Variants in ZNF106 observed in about 807,000 individuals in gnomAD.
ZNF106 encodes the protein zinc finger protein 106, also known as SH3-domain binding protein 3.
In ZNF106, 67 loss-of-function variants were observed where a neutral mutation model predicts 195.1. That is an observed-to-expected ratio of 0.34 (90% CI 0.28 to 0.42). The LOEUF (loss-of-function observed/expected upper bound fraction) is 0.42. ZNF106 is among the 10% of genes least tolerant of loss of function. The pLI, the probability that ZNF106 is intolerant of heterozygous loss-of-function variation, is 1.00. For synonymous variants in ZNF106, 784 were observed against 818.6 expected, an observed-to-expected ratio of 0.96 and a Z score of 0.72; for missense variants, 2,118 against 2,304.5, an observed-to-expected ratio of 0.92 and a Z score of 1.66.
At chr15:42,482,720 G>A (rs1381103709) in intron 1 of ZNF106, among the ~76,000 whole-genome samples, 2 of 151,740 alleles carry the variant, frequency 1.3e-5, no homozygotes, top group African/African-American at 2.4e-5. Context: ...TAGTAGAGAC[G>A]GGGTTTCACC....
rs188328661 is a variant in ZNF106, at chr15:42,450,177, C to A, written c.2095G>T (p.Asp699Tyr). The A allele has an allele frequency of 6.2e-7, 1 of 1,614,166 alleles. No individual in the cohort carries two copies. The highest frequency in any genetic ancestry group is 1.7e-5 in the Admixed American group (1 of 60,016). Residue 699 changes from aspartate (D) to tyrosine (Y), a missense_variant, in exon 5 of 22, where the codon GAT (aspartate) becomes TAT (tyrosine). Transcript: ENST00000564754. ...TTAATAGAGTCATCAACCTGTGCAT[C>A]TTCTAGAGAGGTTTTCAAGTCTAGC... ...LLLDLKTSLE[D>Y]AQVDDSIKSH...
At chr15:42,486,149 T>C (rs11635041) in intron 1 of ZNF106, among the ~76,000 whole-genome samples, 19,374 of 151,602 alleles carry the variant, frequency 0.13, 1,353 homozygotes, top group Non-Finnish European at 0.15. Flanking sequence ...TTAGTAGAGA[T>C]AGAGTTTCAC....
At chr15:42,477,903 A>C (rs1373100499) in intron 1 of ZNF106, among the ~76,000 whole-genome samples, 1 of 152,036 alleles carries the variant, frequency 6.6e-6, no homozygotes, top group Non-Finnish European at 1.5e-5. Flanking sequence ...AAAAAACAAA[A>C]AAAAACAAAC....
At position 42,415,590 on chromosome 15, in the gene ZNF106, G is replaced by T. The variant is rs751804355; in HGVS notation, c.*1714C>A. 2.4e-6 allele frequency: 1 copy of T among 423,206 alleles called. No homozygotes were observed. The highest frequency in any genetic ancestry group is 4.7e-6 in the Non-Finnish European group (1 of 211,340). The allele number at this position is 423,206 out of a possible 1,614,324, so 26.2% of individuals were successfully genotyped here. A position where few individuals can be genotyped will look rare whatever the true frequency, so the allele number is the denominator to read the frequency against. On this transcript the variant is annotated 3_prime_UTR_variant, in exon 22 of 22. Coordinates refer to ENST00000564754, the MANE Select transcript of ZNF106 (RefSeq NM_001366845.3). ...AGTCCCCCTGCCCGATAGCCTGAGGGAAGACATGTGAGTGGATATATGTGC... is the reference window on the plus strand; with the variant it reads ...AGTCCCCCTGCCCGATAGCCTGAGGTAAGACATGTGAGTGGATATATGTGC...
intron 1 of ZNF106, among the ~76,000 whole-genome samples, chr15:42,483,686 C>T (rs2056953914): frequency 6.6e-6 from 1 of 152,222 alleles, no homozygotes; most frequent in Non-Finnish European, 1.5e-5. Context: ...CCGCTTGACA[C>T]AACCCTTGCT....
Position 42,444,870 on chromosome 15 carries a change from G to A in ZNF106, c.3317C>T (p.Thr1106Ile), listed in dbSNP as rs749377790. 1 of 1,614,174 alleles carries A rather than the reference G, an allele frequency of 6.2e-7. No homozygotes were observed. The highest frequency in any genetic ancestry group is 1.7e-5 in the Admixed American group (1 of 60,022). ...NLLQARAALQ[T>I]AYVEVQRLLM... ...TAGCCTCTGAACTTCCACATAAGCT[G>A]TCTGAAGGGCTGCACGGGCTTGCAG... Residue 1106 changes from threonine to isoleucine, a missense_variant, in exon 8 of 22, where the codon ACA (threonine) becomes ATA (isoleucine). Transcript: ENST00000564754.
intron 2 of ZNF106, among the ~76,000 whole-genome samples, chr15:42,468,485 C>T (rs991333007): frequency 6.6e-6 from 1 of 151,782 alleles, no homozygotes; most frequent in Admixed American, 6.6e-5. Context: ...TGGCTCACGC[C>T]TATAATCCCA....
chr15:42,424,536 A>G (rs2054784038), intron 16 of ZNF106: 1 of 343,814 alleles, frequency 2.9e-6, no homozygotes, highest in Admixed American at 4.4e-5. Flanking sequence ...CCCATGCTAG[A>G]GTACAGTGGC....
At chr15:42,488,294 T>C (rs2057061043) in intron 1 of ZNF106, among the ~76,000 whole-genome samples, 1 of 152,176 alleles carries the variant, frequency 6.6e-6, no homozygotes, top group Non-Finnish European at 1.5e-5. Context: ...GCACCTTTTC[T>C]TTCTCACTAT....
intron 2 of ZNF106, among the ~76,000 whole-genome samples, chr15:42,470,120 A>G (rs1413309012): frequency 1.3e-5 from 2 of 152,116 alleles, no homozygotes; most frequent in African/African-American, 4.8e-5. Context: ...GGAGTTCAAG[A>G]CCGGCTGGGC....
intron 20 of ZNF106, among the ~76,000 whole-genome samples, chr15:42,418,552 T>C (rs2054540352): frequency 6.8e-6 from 1 of 147,150 alleles, no homozygotes; most frequent in African/African-American, 2.5e-5. Flanking sequence ...TTTTTTTTTT[T>C]TTTTTTAGTA....
intron 3 of ZNF106, 163 bp from the exon 4 acceptor site, chr15:42,457,321 T>C (rs2056262236): frequency 6.7e-7 from 1 of 1,484,282 alleles, no homozygotes; most frequent in Non-Finnish European, 8.9e-7. Context: ...AATAAGTTTG[T>C]TTATAAGTTA....
At position 42,416,798 on chromosome 15, in the gene ZNF106, AAG is replaced by A. The variant is rs1214547816; in HGVS notation, c.*504_*505del. The A allele has an allele frequency of 6.6e-6, 1 of 152,600 alleles. No individual in the cohort carries two copies. 9.5% of individuals were successfully genotyped at this position (152,600 alleles called of 1,614,324 possible). A position where few individuals can be genotyped will look rare whatever the true frequency, so the allele number is the denominator to read the frequency against. ...CACACACTGCACATAATTGTTAAGA[AAG>A]AAAACTATTTGCTTCCAGTTTAAAT... is the stretch of plus-strand genomic sequence containing the variant. On this transcript the variant is annotated 3_prime_UTR_variant, in exon 22 of 22. Transcript: ENST00000564754.
In ZNF106 at chr15:42,439,182, T is replaced by C. The variant is rs182058036; in HGVS notation, c.4395A>G (p.Glu1465=). 6.2e-7 allele frequency: 1 copy of C among 1,614,162 alleles called. No homozygotes were observed. Among genetic ancestry groups the C allele is most frequent in the East Asian group, 2.2e-5 (1 of 44,872 alleles). Residue 1465 remains glutamate (E), a synonymous_variant, in exon 11 of 22, where the codon GAA becomes GAG. Transcript: ENST00000564754. ...GGCTGTCTGGTTTCTCTTCTCCTGATTCTGAAGAATCAATGGCTACTACTT... is the reference window on the plus strand; with the variant it reads ...GGCTGTCTGGTTTCTCTTCTCCTGACTCTGAAGAATCAATGGCTACTACTT... ...QLEVVAIDSS[E]SGEEKPDSPS... is the part of the protein sequence containing the mutation.
Position 42,417,700 on chromosome 15 carries a change from G to A in ZNF106, c.5664+105C>T, listed in dbSNP as rs2054507874. 2.3e-6 allele frequency: 3 copies of A among 1,320,810 alleles called. No homozygotes were observed. The South Asian group carries it at 5.0e-5, about 22-fold the overall frequency. 81.8% of individuals were successfully genotyped at this position (1,320,810 alleles called of 1,614,324 possible). On this transcript the variant is annotated intron_variant, in intron 21 of 21. Coordinates refer to ENST00000564754, the MANE Select transcript of ZNF106 (RefSeq NM_001366845.3). ...TGAATCATAAAAATAAAAAACCCTAGGCCCTCCCTATATATGGCAATTCTC... is the reference window on the plus strand; with the variant it reads ...TGAATCATAAAAATAAAAAACCCTAAGCCCTCCCTATATATGGCAATTCTC...
rs190433266 is a variant in ZNF106 at position 42,432,991 on chromosome 15, T to C, written c.4881+2393A>G. 3.0e-4 allele frequency among the ~76,000 whole-genome samples: 46 copies of C among 152,356 alleles called. No individual in the cohort carries two copies. In the East Asian group the frequency reaches 6.5e-3, roughly 22 times the overall value. On this transcript the variant is annotated intron_variant, in intron 14 of 21. Transcript: ENST00000564754. ...AGTGTCAGTTCACTCACATTTCATATAATTATTAAATATGGGTAAATTTAG... is the reference window on the plus strand; with the variant it reads ...AGTGTCAGTTCACTCACATTTCATACAATTATTAAATATGGGTAAATTTAG...
chr15:42,490,569 G>T (rs1435944351), intron 1 of ZNF106, among the ~76,000 whole-genome samples: 1 of 152,160 alleles, frequency 6.6e-6, no homozygotes, highest in Non-Finnish European at 1.5e-5. Flanking sequence ...GGAGAGAAAC[G>T]AAAGGAGGAA....
At position 42,439,654 on chromosome 15, in the gene ZNF106, G is replaced by C. The variant is rs61731604; in HGVS notation, c.3923C>G (p.Ala1308Gly). Reference protein sequence around the residue: ...NRENSPSSQSAGLSSINKEGE... With the variant: ...NRENSPSSQSGGLSSINKEGE... Reference sequence around the variant, plus strand: ...TTCTTTATTTATGCTAGAAAGACCAGCTGATTGGGAAGAGGGAGAGTTTTC... The same window carrying C: ...TTCTTTATTTATGCTAGAAAGACCACCTGATTGGGAAGAGGGAGAGTTTTC... Residue 1308 changes from alanine (A) to glycine (G), a missense_variant, in exon 11 of 22, where the codon GCT becomes GGT. By Grantham distance (60) the Ala-to-Gly change is moderately conservative. Coordinates refer to ENST00000564754, the MANE Select transcript of ZNF106 (RefSeq NM_001366845.3). 3.8e-3 allele frequency: 6,146 copies of C among 1,613,988 alleles called. 214 individuals are homozygous for C. The African/African-American group carries it at 0.073, about 19-fold the overall frequency.
intron 9 of ZNF106, among the ~76,000 whole-genome samples, chr15:42,443,319 T>C (rs1280230220): frequency 6.6e-6 from 1 of 152,054 alleles, no homozygotes; most frequent in Non-Finnish European, 1.5e-5. Context: ...GGATGCACAG[T>C]TTACAGACCT....
Sources: allele counts gnomAD v4.1 joint callset (sites outside exome capture counted in the v4.1 genomes callset), GRCh38; gene constraint gnomAD v4.1.1; transcripts MANE v1.5; gene names NCBI Gene and HGNC (gene_info 2026-07-23, HGNC 2026-07-21).